FAM186B: variants seen among roughly 807,000 people sequenced by gnomAD.
FAM186B encodes family with sequence similarity 186 member B.
Under a neutral mutation model 83.4 loss-of-function variants are expected in FAM186B, and 68 were observed. That is an observed-to-expected ratio of 0.81 (90% confidence interval 0.67 to 1.00). FAM186B has a LOEUF of 1.00. Ranked by LOEUF, FAM186B falls within the 50% of genes least tolerant of loss-of-function variation. The pLI is 0.00. For synonymous variants in FAM186B, 389 were observed against 422.0 expected, an observed-to-expected ratio of 0.92 and a Z score of 0.96; for missense variants, 983 against 1,099.2, an observed-to-expected ratio of 0.89 and a Z score of 1.49.
intron 6 of FAM186B, 29 bp from the exon 7 acceptor site, chr12:49,587,781 A>G (rs769298204): frequency 3.4e-5 from 54 of 1,597,198 alleles, no homozygotes; most frequent in Non-Finnish European, 3.9e-5. Context: ...GAGAATGTGA[A>G]AAGCAACAGA....
chr12:49,621,003 A>G, the FAM186B span, among the ~76,000 whole-genome samples: 1 of 152,232 alleles, frequency 6.6e-6, no homozygotes, highest in South Asian at 2.1e-4. Flanking sequence ...AACATGGTAT[A>G]TGTATTGTTA....
downstream of FAM186B, chr12:49,587,427 AC>A (rs1333586259): frequency 2.5e-6 from 2 of 785,232 alleles, no homozygotes; most frequent in African/African-American, 3.5e-5. Flanking sequence ...TGGCATGGGG[AC>A]CCCGCTTACA....
the FAM186B span, among the ~76,000 whole-genome samples, chr12:49,614,660 A>G: frequency 0.016 from 2,446 of 152,216 alleles, 63 homozygotes; most frequent in African/African-American, 0.055. Flanking sequence ...GGGATCAATC[A>G]TACCCCCAAC....
chr12:49,607,383 G>C (rs933610887), upstream of FAM186B, among the ~76,000 whole-genome samples: 40 of 152,004 alleles, frequency 2.6e-4, no homozygotes, highest in African/African-American at 8.9e-4. Flanking sequence ...TAATATGAGA[G>C]AGCAATATGA....
chr12:49,601,069 G>C lies in FAM186B; in HGVS notation c.571C>G (p.Gln191Glu), dbSNP rs1306042672. 1.2e-6 allele frequency: 2 copies of C among 1,610,252 alleles called. No homozygotes were observed. Among genetic ancestry groups the C allele is most frequent in the Admixed American group, 3.4e-5 (2 of 59,630 alleles). Residue 191 changes from glutamine to glutamate, a missense_variant, in exon 4 of 7, where the codon CAG becomes GAG. Gln to Glu is a conservative substitution (Grantham distance 29). Transcript: ENST00000257894. ...AGCATCTGTTCTGGGCTTAGTGGCT[G>C]AGGATGGGATGGAGATGTCTGTGGG... ...RSPQTSPSHP[Q>E]PLSPEQMLQD...
Position 49,599,837 on chromosome 12 carries a change from C to T in FAM186B, c.1803G>A (p.Gln601=). The T allele has an allele frequency of 6.2e-7, 1 of 1,610,726 alleles. No individual in the cohort carries two copies. Among genetic ancestry groups the T allele is most frequent in the Non-Finnish European group, 8.5e-7 (1 of 1,178,180 alleles). Residue 601 remains glutamine (Q), a synonymous_variant, in exon 4 of 7, where the codon CAG becomes CAA. Coordinates refer to ENST00000257894, the MANE Select transcript of FAM186B (RefSeq NM_032130.3). The stretch of plus-strand genomic sequence containing the variant: ...GTCTCTGCTTTCCCAGGGCAGGCTG[C>T]TGGGTACTAGGAGACATGGGCAAGT... ...RPHLPMSPST[Q]QPALGKQRPM... is the part of the protein sequence containing the mutation.
chr12:49,600,342 A>T lies in FAM186B; in HGVS notation c.1298T>A (p.Val433Glu). ...RRFPKKWERP[V>E]AESLGHKDKD... ...GTCTTTGTGGCCTAAGCTTTCTGCC[A>T]CCGGTCTTTCCCATTTCTTAGGAAA... Residue 433 changes from valine to glutamate, a missense_variant, in exon 4 of 7, where the codon GTG (valine) becomes GAG (glutamate). Val to Glu is a moderately radical substitution (Grantham distance 121). Transcript: ENST00000257894. This position sits in a 1 kb window ranked among gnomAD's most constrained non-coding sequence, Gnocchi z 4.3. 6.2e-7 allele frequency: 1 copy of T among 1,614,132 alleles called. No individual in the cohort carries two copies. The highest frequency in any genetic ancestry group is 8.5e-7 in the Non-Finnish European group (1 of 1,180,030).
chr12:49,599,290 G>C (rs1939806294), intron 4 of FAM186B, among the ~76,000 whole-genome samples, 179 bp downstream of exon 4: 1 of 152,162 alleles, frequency 6.6e-6, no homozygotes, highest in South Asian at 2.1e-4. Flanking sequence ...CATCTTCAAG[G>C]GTTGCCCAAG....
chr12:49,599,095 A>G, intron 4 of FAM186B, 148 bp from the exon 5 acceptor site: 1 of 821,046 alleles, frequency 1.2e-6, no homozygotes, highest in Non-Finnish European at 1.9e-6. Context: ...TGGGGCAGAG[A>G]AAAGTGGGAG....
chr12:49,612,145 T>G, the FAM186B span, among the ~76,000 whole-genome samples: 2 of 152,108 alleles, frequency 1.3e-5, no homozygotes, highest in Non-Finnish European at 2.9e-5. Context: ...AATATTAACC[T>G]TGAATGTAAA....
chr12:49,584,219 A>T (rs928525532), downstream of FAM186B: 68 of 394,210 alleles, frequency 1.7e-4, no homozygotes, highest in Non-Finnish European at 1.4e-4. Flanking sequence ...GACACAGACA[A>T]CACTCAGAGG....
At chr12:49,602,788 C>T (rs746661616) in intron 3 of FAM186B, among the ~76,000 whole-genome samples, 1 of 152,212 alleles carries the variant, frequency 6.6e-6, no homozygotes, top group Non-Finnish European at 1.5e-5. Flanking sequence ...GATGGACCAC[C>T]TCTGCAGCAG....
At chr12:49,620,049 T>C in the FAM186B span, among the ~76,000 whole-genome samples, 1 of 152,146 alleles carries the variant, frequency 6.6e-6, no homozygotes, top group East Asian at 1.9e-4. Flanking sequence ...TAACACGGCA[T>C]TGTGAATACT....
At chr12:49,620,062 CCTT>C in the FAM186B span, among the ~76,000 whole-genome samples, 1 of 152,076 alleles carries the variant, frequency 6.6e-6, no homozygotes, top group Non-Finnish European at 1.5e-5. Context: ...TGAATACTGG[CCTT>C]CTTTCTTGCA....
At position 49,604,530 on chromosome 12, in the gene FAM186B, A is replaced by G. The variant is rs780238736; in HGVS notation, c.105T>C (p.Ser35=). Reference sequence around the variant, plus strand: ...TGTCCAAAATGTCTGAGAGCTGGGTAGAAATATCCTATAGAGAAGCAGCAG... The same window carrying G: ...TGTCCAAAATGTCTGAGAGCTGGGTGGAAATATCCTATAGAGAAGCAGCAG... ...AQLTRAQEDI[S]TQLSDILDNV... The change falls in exon 2 of 7, where the codon TCT becomes TCC. Residue 35 remains serine (S), a synonymous_variant. Transcript: ENST00000257894. 1.9e-6 allele frequency: 3 copies of G among 1,613,984 alleles called. No homozygotes were observed. In the Admixed American group the frequency reaches 5.0e-5, roughly 27 times the overall value.
At chr12:49,617,637 T>A in the FAM186B span, among the ~76,000 whole-genome samples, 1 of 152,368 alleles carries the variant, frequency 6.6e-6, no homozygotes, top group Admixed American at 6.5e-5. Flanking sequence ...TCAACAAGCC[T>A]GTTTTCATGA....
At chr12:49,614,705 C>T in the FAM186B span, among the ~76,000 whole-genome samples, 1 of 152,106 alleles carries the variant, frequency 6.6e-6, no homozygotes, top group East Asian at 1.9e-4. Flanking sequence ...TGTAACAAAC[C>T]TGCACATGTA....
intron 5 of FAM186B, among the ~76,000 whole-genome samples, chr12:49,592,189 A>G (rs1939595694): frequency 6.6e-6 from 1 of 152,212 alleles, no homozygotes; most frequent in Admixed American, 6.5e-5. Context: ...TTATATTGTA[A>G]ACCCTAGAGT....
At chr12:49,622,101 G>C in the FAM186B span, among the ~76,000 whole-genome samples, 1 of 152,236 alleles carries the variant, frequency 6.6e-6, no homozygotes. Flanking sequence ...GCTATACTTA[G>C]AGATCTCAAT....
Sources: allele counts gnomAD v4.1 joint callset (sites outside exome capture counted in the v4.1 genomes callset), GRCh38; gene constraint gnomAD v4.1.1; non-coding constraint Gnocchi (gnomAD v3.1); transcripts MANE v1.5; gene names NCBI Gene and HGNC (gene_info 2026-07-23, HGNC 2026-07-21).